CACNA2D1: variants seen among roughly 807,000 people sequenced by gnomAD.
CACNA2D1 encodes calcium voltage-gated channel auxiliary subunit alpha2delta 1, also known as voltage-dependent calcium channel subunit alpha-2/delta-1.
In CACNA2D1, 53 loss-of-function variants were observed where a neutral mutation model predicts 171.5. The observed-to-expected ratio is 0.31, with a 90% CI of 0.25 to 0.39. CACNA2D1 has a LOEUF of 0.39. Among genes scored for constraint, CACNA2D1 ranks in the 10% least tolerant of loss-of-function variants. The probability of loss-of-function intolerance (pLI) is 1.00; values close to 1 mark genes in which losing one functional copy is unlikely to be tolerated. For missense variants in CACNA2D1, 903 were observed against 1,299.8 expected (o/e 0.69, Z 4.69); for synonymous variants, 442 against 443.1 (o/e 1.00, Z 0.03).
intron 3 of CACNA2D1, among the ~76,000 whole-genome samples, chr7:82,306,081 C>G (rs1262915633): frequency 6.6e-6 from 1 of 152,178 alleles, no homozygotes; most frequent in Admixed American, 6.5e-5. Flanking sequence ...TTCATATTGT[C>G]TGATCCTTTT....
chr7:82,138,449 G>GTTTTTTTTTTTTTTTTTT (rs5885271), intron 4 of CACNA2D1, among the ~76,000 whole-genome samples: 1 of 101,578 alleles, frequency 9.8e-6, no homozygotes, highest in Non-Finnish European at 2.1e-5. Context: ...TGTTTTTTTT[G>GTTTTTTTTTTTTTTTTTT]TTTTTTTTTT....
At chr7:82,329,965 G>T (rs947916081) in intron 3 of CACNA2D1, among the ~76,000 whole-genome samples, 14 of 152,188 alleles carry the variant, frequency 9.2e-5, no homozygotes, top group African/African-American at 3.4e-4. Context: ...AAATAAGAAT[G>T]TATAAATGTT....
chr7:82,427,163 A>G (rs571759347), intron 1 of CACNA2D1, among the ~76,000 whole-genome samples: 2 of 152,334 alleles, frequency 1.3e-5, no homozygotes, highest in South Asian at 4.1e-4. Flanking sequence ...AGATACAAAA[A>G]GAAGCTTGGT....
chr7:81,955,905 TGGGGGGGG>T (rs59823054), intron 38 of CACNA2D1, among the ~76,000 whole-genome samples: 1 of 53,934 alleles, frequency 1.9e-5, no homozygotes, highest in Non-Finnish European at 3.5e-5. Context: ...GTTATTTTGG[TGGGGGGGG>T]GGGGGGGTGG....
chr7:82,190,180 A>G (rs534533727), intron 3 of CACNA2D1, among the ~76,000 whole-genome samples: 1 of 151,962 alleles, frequency 6.6e-6, no homozygotes, highest in South Asian at 2.1e-4. Flanking sequence ...CTTAGTCACT[A>G]AAATGATATT....
chr7:82,183,718 G>A (rs771379520), intron 3 of CACNA2D1, among the ~76,000 whole-genome samples: 7 of 152,128 alleles, frequency 4.6e-5, no homozygotes, highest in African/African-American at 7.2e-5. Flanking sequence ...AATGAAGAAG[G>A]AGGAAAAGGA....
chr7:82,409,458 T>C (rs2108055), intron 1 of CACNA2D1, among the ~76,000 whole-genome samples: 5,883 of 152,248 alleles, frequency 0.039, 210 homozygotes, highest in East Asian at 0.12. Context: ...GATGCAAGTA[T>C]TGGCAAAAGC....
At chr7:82,240,004 C>T (rs889389818) in intron 3 of CACNA2D1, among the ~76,000 whole-genome samples, 10 of 152,260 alleles carry the variant, frequency 6.6e-5, no homozygotes, top group East Asian at 1.9e-4. Context: ...AATGTAGATG[C>T]TATTTGCTTA....
At chr7:82,289,432 G>C (rs571829032) in intron 3 of CACNA2D1, among the ~76,000 whole-genome samples, 4 of 152,308 alleles carry the variant, frequency 2.6e-5, no homozygotes, top group African/African-American at 9.6e-5. Flanking sequence ...GTTTGTGGAC[G>C]TAAGTTTGCA....
intron 3 of CACNA2D1, among the ~76,000 whole-genome samples, chr7:82,319,716 T>C (rs150775493): frequency 1.2e-3 from 182 of 152,330 alleles, no homozygotes; most frequent in Non-Finnish European, 2.0e-3. Flanking sequence ...GGACCTAGAA[T>C]TTCTCAGAAA....
intron 10 of CACNA2D1, among the ~76,000 whole-genome samples, chr7:82,059,304 T>G (rs1806316125): frequency 6.6e-6 from 1 of 152,182 alleles, no homozygotes; most frequent in African/African-American, 2.4e-5. Flanking sequence ...GTTTGTCTTA[T>G]TTCATTTGCT....
intron 38 of CACNA2D1, among the ~76,000 whole-genome samples, chr7:81,955,382 T>G (rs370630239): frequency 6.6e-6 from 1 of 152,112 alleles, no homozygotes; most frequent in East Asian, 1.9e-4. Flanking sequence ...CCAACTAACA[T>G]TTCAGTATTT....
chr7:82,083,028 T>C (rs2129009031), intron 7 of CACNA2D1, among the ~76,000 whole-genome samples: 1 of 152,102 alleles, frequency 6.6e-6, no homozygotes, highest in East Asian at 1.9e-4. Context: ...GCATGCATTC[T>C]TTCCTTCCTC....
At chr7:81,966,070 T>C (rs771423157) in intron 31 of CACNA2D1, among the ~76,000 whole-genome samples, 1 of 151,808 alleles carries the variant, frequency 6.6e-6, no homozygotes, top group African/African-American at 2.4e-5. Flanking sequence ...ATTTTAGTTG[T>C]CCTGTTTCAC....
chr7:82,361,819 G>C (rs1193948675), intron 1 of CACNA2D1, among the ~76,000 whole-genome samples: 1 of 152,028 alleles, frequency 6.6e-6, no homozygotes, highest in Non-Finnish European at 1.5e-5. Context: ...TAACAAAAGA[G>C]AAAAATCACA....
intron 4 of CACNA2D1, among the ~76,000 whole-genome samples, chr7:82,150,820 TG>T (rs1793780343): frequency 6.6e-6 from 1 of 152,176 alleles, no homozygotes; most frequent in South Asian, 2.1e-4. Context: ...AAAAAAATTT[TG>T]TTAACAGCAC....
At chr7:82,412,280 C>CA (rs368932130) in intron 1 of CACNA2D1, among the ~76,000 whole-genome samples, 2 of 124,842 alleles carry the variant, frequency 1.6e-5, no homozygotes, top group East Asian at 2.4e-4. Flanking sequence ...GTGCTTGTAA[C>CA]TTTTTTTTTT....
chr7:82,055,695 T>C (rs939515780), intron 10 of CACNA2D1, among the ~76,000 whole-genome samples: 4 of 134,554 alleles, frequency 3.0e-5, no homozygotes, highest in African/African-American at 1.1e-4. Flanking sequence ...TTCTCACTCA[T>C]AGGTGGGAAT....
chr7:82,018,386 C>T (rs1411193904), intron 12 of CACNA2D1, among the ~76,000 whole-genome samples: 1 of 152,120 alleles, frequency 6.6e-6, no homozygotes, highest in Non-Finnish European at 1.5e-5. Context: ...TCCAACATAT[C>T]AGTAAGTTCA....
Sources: allele counts gnomAD v4.1 joint callset (sites outside exome capture counted in the v4.1 genomes callset), GRCh38; gene constraint gnomAD v4.1.1; transcripts MANE v1.5; gene names NCBI Gene and HGNC (gene_info 2026-07-23, HGNC 2026-07-21).